PTPRN2: variants seen among roughly 807,000 people sequenced by gnomAD.
PTPRN2 encodes the protein protein tyrosine phosphatase receptor type N2, also known as receptor-type tyrosine-protein phosphatase N2.
A neutral mutation model predicts 118.8 loss-of-function variants in PTPRN2; 74 were observed. That is an observed-to-expected ratio of 0.62 (90% CI 0.52 to 0.76). PTPRN2 has a LOEUF of 0.76. Among genes scored for constraint, PTPRN2 ranks in the 30% least tolerant of loss-of-function variants. The probability of loss-of-function intolerance (pLI) is 0.00; values close to 1 mark genes in which losing one functional copy is unlikely to be tolerated. For synonymous variants in PTPRN2, 641 were observed against 608.0 expected (o/e 1.05, Z -0.80); for missense variants, 1,481 against 1,394.4 (o/e 1.06, Z -0.99).
chr7:158,584,789 C>T lies in PTPRN2; in HGVS notation c.112+2769G>A, dbSNP rs540841844. Among the ~76,000 whole-genome samples the T allele has an allele frequency of 7.9e-5, 12 of 152,306 alleles. No homozygotes were observed. The East Asian group carries it at 2.1e-3, about 27-fold the overall frequency. ...GAATAAACTCAGAGACAGCAGTTATCGACCCTGGGTTTCATCAAGAGCTCC... is the reference window on the plus strand; with the variant it reads ...GAATAAACTCAGAGACAGCAGTTATTGACCCTGGGTTTCATCAAGAGCTCC... On this transcript the variant is annotated intron_variant, in intron 1 of 22. Transcript: ENST00000389418.
intron 12 of PTPRN2, among the ~76,000 whole-genome samples, chr7:157,847,488 G>A (rs1808929707): frequency 6.7e-6 from 1 of 148,946 alleles, no homozygotes; most frequent in East Asian, 2.0e-4. Flanking sequence ...GATGTCTACA[G>A]AGCCCTCTCT....
At chr7:158,146,089 C>G (rs1457505966) in intron 6 of PTPRN2, among the ~76,000 whole-genome samples, 1 of 152,010 alleles carries the variant, frequency 6.6e-6, no homozygotes, top group Non-Finnish European at 1.5e-5. Flanking sequence ...ATTCTGAAAA[C>G]AAATACTTGG....
chr7:158,123,547 G>A (rs528949005), intron 9 of PTPRN2, among the ~76,000 whole-genome samples: 19 of 152,238 alleles, frequency 1.2e-4, no homozygotes, highest in South Asian at 1.2e-3. Context: ...CCTGCGGACC[G>A]CCATGCAGCC....
chr7:158,094,272 G>A (rs1048651417), intron 10 of PTPRN2, among the ~76,000 whole-genome samples: 4 of 152,222 alleles, frequency 2.6e-5, no homozygotes, highest in Non-Finnish European at 4.4e-5. Flanking sequence ...CGCCATTCCC[G>A]AAGGACCAGG....
intron 11 of PTPRN2, chr7:158,030,046 CT>C (rs1311624887): frequency 1.3e-5 from 2 of 152,210 alleles, no homozygotes; most frequent in Admixed American, 1.3e-4. Context: ...AATGATAATT[CT>C]AATACTATTT....
Position 157,847,841 on chromosome 7 carries a change from T to C in PTPRN2, c.1788+50832A>G, listed in dbSNP as rs58178538. On this transcript the variant is annotated intron_variant, in intron 12 of 22. Transcript: ENST00000389418. ...CAGAGCCCTCTCTCACTCCATCATG[T>C]GTGCCCGATGTCTACAGAGCCCTCT... 2.7e-3 allele frequency among the ~76,000 whole-genome samples: 365 copies of C among 136,760 alleles called. 3 individuals are homozygous for C. Among genetic ancestry groups the C allele is most frequent in the South Asian group, 5.6e-3 (22 of 3,952 alleles). The allele number at this position is 136,760 out of a possible 152,430, so 89.7% of individuals were successfully genotyped here. A position where few individuals can be genotyped will look rare whatever the true frequency, so the allele number is the denominator to read the frequency against.
intron 12 of PTPRN2, among the ~76,000 whole-genome samples, chr7:157,778,337 T>TAA (rs1450942749): frequency 2.0e-5 from 3 of 152,340 alleles, no homozygotes; most frequent in African/African-American, 7.2e-5. Flanking sequence ...AATGCCCACG[T>TAA]ACATGTGATT....
chr7:158,384,644 G>A (rs1410207667), intron 2 of PTPRN2, among the ~76,000 whole-genome samples: 4 of 152,194 alleles, frequency 2.6e-5, no homozygotes, highest in Non-Finnish European at 4.4e-5. Flanking sequence ...CCAGAAGGGT[G>A]TTTGTGGGAG....
At chr7:158,465,586 T>G (rs1819330805) in intron 2 of PTPRN2, among the ~76,000 whole-genome samples, 1 of 152,232 alleles carries the variant, frequency 6.6e-6, no homozygotes, top group African/African-American at 2.4e-5. Flanking sequence ...ATTATTGCTA[T>G]GCTTACTTTA....
chr7:157,600,430 GT>G (rs969287493), intron 16 of PTPRN2, among the ~76,000 whole-genome samples: 1 of 152,072 alleles, frequency 6.6e-6, no homozygotes, highest in African/African-American at 2.4e-5. Flanking sequence ...AGATTGACTT[GT>G]TTTTTTTGAG....
chr7:158,139,847 G>C (rs532707207), intron 6 of PTPRN2, among the ~76,000 whole-genome samples: 1 of 152,280 alleles, frequency 6.6e-6, no homozygotes, highest in East Asian at 1.9e-4. Flanking sequence ...CATTTGAAGG[G>C]TTGAAAGAAA....
At chr7:157,752,871 G>A (rs547550496) in intron 12 of PTPRN2, among the ~76,000 whole-genome samples, 6 of 152,368 alleles carry the variant, frequency 3.9e-5, no homozygotes, top group Admixed American at 3.9e-4. Flanking sequence ...ACAGACCCTC[G>A]CAGCAGCCAC....
At position 157,831,390 on chromosome 7, in the gene PTPRN2, C is replaced by T. The variant is rs985706766; in HGVS notation, c.1788+67283G>A. On this transcript the variant is annotated intron_variant, in intron 12 of 22. Coordinates refer to ENST00000389418, the MANE Select transcript of PTPRN2 (RefSeq NM_002847.5). This position sits in a 1 kb window ranked among gnomAD's most constrained non-coding sequence, Gnocchi z 4.8. ...TCGTTGGGGTTTTCTGTTATTTCTT[C>T]CCGAAGCATCTTAACTGATGCGGGT... 3.9e-5 allele frequency among the ~76,000 whole-genome samples: 6 copies of T among 152,190 alleles called. No homozygotes were observed. The highest frequency in any genetic ancestry group is 8.8e-5 in the Non-Finnish European group (6 of 68,032).
chr7:158,316,762 A>G (rs1802359307), intron 3 of PTPRN2, 57 bp downstream of exon 3: 1 of 1,328,078 alleles, frequency 7.5e-7, no homozygotes, highest in East Asian at 2.4e-5. Flanking sequence ...GGAGAAGCCA[A>G]GCCCGTGCGG....
At chr7:158,276,244 TCCTGGTAGCACCCCCACACTCTGGC>T (rs1798963704) in intron 3 of PTPRN2, among the ~76,000 whole-genome samples, 5 of 17,312 alleles carry the variant, frequency 2.9e-4, no homozygotes, top group South Asian at 3.8e-3. Context: ...CACATCCCGG[TCCTGGTAGCACCCCCACACTCTGGC>T]CCCAACAGGC....
At chr7:158,446,640 C>G (rs1325517783) in intron 2 of PTPRN2, among the ~76,000 whole-genome samples, 1 of 152,286 alleles carries the variant, frequency 6.6e-6, no homozygotes, top group Non-Finnish European at 1.5e-5. Flanking sequence ...CCAATGGTCC[C>G]TGGTGTAATT....
At chr7:158,028,036 A>C (rs1807405375) in intron 11 of PTPRN2, 1 of 152,226 alleles carries the variant, frequency 6.6e-6, no homozygotes. Flanking sequence ...AAAGTACACC[A>C]AGAAAGCCAC....
At position 158,048,443 on chromosome 7, in the gene PTPRN2, A is replaced by C. The variant is rs1330711751; in HGVS notation, c.1723+32855T>G. ...TTGACTCTGAAAACTTGAATGATGT[A>C]TTTTAAGGTGAGTAAGTTACATAGG... On this transcript the variant is annotated intron_variant, in intron 11 of 22. Transcript: ENST00000389418. Among the ~76,000 whole-genome samples, 5 of 152,124 alleles carry C rather than the reference A, an allele frequency of 3.3e-5. No homozygotes were observed. The East Asian group carries it at 9.6e-4, about 29-fold the overall frequency.
chr7:157,960,191 T>G, intron 11 of PTPRN2, among the ~76,000 whole-genome samples: 1 of 151,674 alleles, frequency 6.6e-6, no homozygotes, highest in Admixed American at 6.6e-5. Context: ...GGTTGAGGAG[T>G]TCTTGTTTAG....
Sources: allele counts gnomAD v4.1 joint callset (sites outside exome capture counted in the v4.1 genomes callset), GRCh38; gene constraint gnomAD v4.1.1; non-coding constraint Gnocchi (gnomAD v3.1); transcripts MANE v1.5; gene names NCBI Gene and HGNC (gene_info 2026-07-23, HGNC 2026-07-21).